The following CDH23 variants were observed in gnomAD, a reference collection of about 807,000 sequenced individuals.
CDH23 encodes cadherin-23.
CDH23 carries 189 observed loss-of-function variants against 317.1 expected under a neutral mutation model. That is an observed-to-expected ratio of 0.60 (90% CI 0.53 to 0.67). CDH23 has a LOEUF of 0.67. CDH23 is among the 30% of genes least tolerant of loss of function. CDH23 has a pLI of 0.00. For missense variants in CDH23, 4,401 were observed against 4,592.4 expected (o/e 0.96, Z 1.20); for synonymous variants, 1,839 against 1,876.8 (o/e 0.98, Z 0.52).
intron 13 of CDH23, 69 bp from the exon 14 acceptor site, chr10:71,646,390 C>T (rs1490606909): frequency 8.2e-6 from 13 of 1,584,196 alleles, no homozygotes; most frequent in Non-Finnish European, 1.0e-5. Flanking sequence ...ATGGAGAGGA[C>T]TTACAGGGAC....
chr10:71,810,393 G>A (rs1841880069), intron 61 of CDH23, 79 bp from the exon 62 acceptor site: 5 of 1,283,376 alleles, frequency 3.9e-6, no homozygotes, highest in Non-Finnish European at 5.6e-6. Flanking sequence ...AGGGCAGAAG[G>A]GGTTCCTAAA....
At chr10:71,515,225 T>A (rs1854220657) in intron 6 of CDH23, among the ~76,000 whole-genome samples, 1 of 152,204 alleles carries the variant, frequency 6.6e-6, no homozygotes, top group African/African-American at 2.4e-5. Flanking sequence ...AGCTGGGCAG[T>A]CTAGGCCTTT....
intron 11 of CDH23, among the ~76,000 whole-genome samples, chr10:71,643,278 C>CACCA (rs954765603): frequency 2.0e-5 from 3 of 152,068 alleles, no homozygotes; most frequent in African/African-American, 7.3e-5. Context: ...TGGTGGCTGC[C>CACCA]CTGGGAGGTT....
chr10:71,569,101 C>G (rs896448768), intron 7 of CDH23, among the ~76,000 whole-genome samples: 1 of 152,238 alleles, frequency 6.6e-6, no homozygotes, highest in Non-Finnish European at 1.5e-5. Flanking sequence ...GGAGCTCTCC[C>G]CATGGGCAGT....
At position 71,793,433 on chromosome 10, in the gene CDH23, G is replaced by A; in HGVS notation, c.6505G>A (p.Asp2169Asn). 1 of 1,614,000 alleles carries A rather than the reference G, an allele frequency of 6.2e-7. No individual in the cohort carries two copies. Among genetic ancestry groups the A allele is most frequent in the Non-Finnish European group, 8.5e-7 (1 of 1,179,880 alleles). ...CACCATTCTGATCGATGACATCAAT[G>A]ACTCCCGCCCCGAGTTCCTCAACCC... is the stretch of plus-strand genomic sequence containing the variant. Reference protein sequence around the residue: ...IVTILIDDINDSRPEFLNPIQ... With the variant: ...IVTILIDDINNSRPEFLNPIQ... The change falls in exon 48 of 70, where the codon GAC (aspartate) becomes AAC (asparagine). Residue 2169 changes from aspartate (D) to asparagine (N), a missense_variant. Transcript: ENST00000224721.
At chr10:71,454,806 A>G (rs760432099) in intron 3 of CDH23, among the ~76,000 whole-genome samples, 1 of 151,706 alleles carries the variant, frequency 6.6e-6, no homozygotes, top group Non-Finnish European at 1.5e-5. Context: ...TTCCTAACAC[A>G]TATTAAAATA....
At position 71,785,626 on chromosome 10, in the gene CDH23, C is replaced by A. The variant is rs570844723; in HGVS notation, c.5713-5C>A. ...CCATGCAGCTCACCACCCTCCACATCCCAGACAGGGATCGTCACTGTGAAC... is the reference window on the plus strand; with the variant it reads ...CCATGCAGCTCACCACCCTCCACATACCAGACAGGGATCGTCACTGTGAAC... On this transcript the variant is annotated splice_region_variant and splice_polypyrimidine_tract_variant and intron_variant, in intron 43 of 69. Coordinates refer to ENST00000224721, the MANE Select transcript of CDH23 (RefSeq NM_022124.6). 1.9e-6 allele frequency: 3 copies of A among 1,576,522 alleles called. No individual in the cohort carries two copies. Among genetic ancestry groups the A allele is most frequent in the East Asian group, 4.6e-5 (2 of 43,298 alleles).
intron 14 of CDH23, among the ~76,000 whole-genome samples, chr10:71,664,845 T>G (rs1665698): frequency 0.38 from 56,759 of 148,960 alleles, 11,709 homozygotes; most frequent in East Asian, 0.55. Context: ...CCCTCTTCCT[T>G]CTCCTCCTCC....
chr10:71,748,314 G>A (rs1057488909), intron 38 of CDH23: 1 of 152,438 alleles, frequency 6.6e-6, no homozygotes, highest in Non-Finnish European at 1.5e-5. Flanking sequence ...CTTTTGAAAA[G>A]CAGGTCCTGG....
intron 14 of CDH23, 29 bp from the exon 15 acceptor site, chr10:71,675,083 G>C (rs2132664252): frequency 6.2e-7 from 1 of 1,608,462 alleles, no homozygotes; most frequent in South Asian, 1.1e-5. Context: ...GGGCCTGGCA[G>C]TAATGACTTC....
chr10:71,691,714 A>G (rs557975131), intron 20 of CDH23, among the ~76,000 whole-genome samples: 20 of 152,194 alleles, frequency 1.3e-4, no homozygotes, highest in Non-Finnish European at 2.8e-4. Context: ...TGGCAGTCAC[A>G]TCCAAGTAAT....
rs185545302 is a variant in CDH23 at position 71,397,660 on chromosome 10, G to A, written c.-6+342G>A. 5.8e-4 allele frequency among the ~76,000 whole-genome samples: 88 copies of A among 152,242 alleles called. No homozygotes were observed. The highest frequency in any genetic ancestry group is 1.9e-3 in the African/African-American group (77 of 41,564). ...CTTTGCTCTCGGCGCTACGGAGAGGGTCCAGGTCTGGGGTGGAGAGATTTT... is the reference window on the plus strand; with the variant it reads ...CTTTGCTCTCGGCGCTACGGAGAGGATCCAGGTCTGGGGTGGAGAGATTTT... On this transcript the variant is annotated intron_variant, in intron 1 of 69. Transcript: ENST00000224721. This position sits in a 1 kb window ranked among gnomAD's most constrained non-coding sequence, Gnocchi z 4.8.
chr10:71,481,830 A>C (rs61855361), intron 3 of CDH23, among the ~76,000 whole-genome samples: 27,333 of 152,132 alleles, frequency 0.18, 2,867 homozygotes, highest in Middle Eastern at 0.2. Context: ...CCTGTGGGGC[A>C]GCCCTGAGTC....
At position 71,732,097 on chromosome 10, in the gene CDH23, A is replaced by G; in HGVS notation, c.3826A>G (p.Lys1276Glu). 1.2e-6 allele frequency: 2 copies of G among 1,614,036 alleles called. No homozygotes were observed. Among genetic ancestry groups the G allele is most frequent in the East Asian group, 2.2e-5 (1 of 44,886 alleles). ...CGTGAATTACCTGGACTACGAGACC[A>G]AGACCAGCTACATGATGAATGTGTC... is the stretch of plus-strand genomic sequence containing the variant. Reference protein sequence around the residue: ...ITVNYLDYETKTSYMMNVSAT... With the variant: ...ITVNYLDYETETSYMMNVSAT... Residue 1276 changes from lysine to glutamate, a missense_variant, in exon 32 of 70, where the codon AAG becomes GAG. This residue lies in a region of CDH23 where 3,068 missense variants were observed against 3,203.3 expected (regional missense o/e 0.96). Transcript: ENST00000224721.
intron 30 of CDH23, among the ~76,000 whole-genome samples, chr10:71,729,327 C>A (rs955562540): frequency 6.6e-6 from 1 of 152,146 alleles, no homozygotes; most frequent in Non-Finnish European, 1.5e-5. Flanking sequence ...GTGTAAGAAG[C>A]GCCCACAGGA....
intron 6 of CDH23, among the ~76,000 whole-genome samples, chr10:71,566,443 G>A (rs1309293778): frequency 7.2e-5 from 11 of 152,088 alleles, no homozygotes; most frequent in African/African-American, 2.4e-5. Context: ...CAGAGGAAGC[G>A]AAACCACCAA....
At chr10:71,623,584 G>A (rs1465636780) in intron 11 of CDH23, among the ~76,000 whole-genome samples, 1 of 152,194 alleles carries the variant, frequency 6.6e-6, no homozygotes. Flanking sequence ...AATGTGCAGG[G>A]TGGAAGCAGT....
At chr10:71,533,507 C>T (rs1487644827) in intron 6 of CDH23, among the ~76,000 whole-genome samples, 1 of 148,540 alleles carries the variant, frequency 6.7e-6, no homozygotes, top group Non-Finnish European at 1.5e-5. Context: ...GCAATTGTGA[C>T]CCTAGGCTGG....
chr10:71,522,649 G>A (rs1228816926), intron 6 of CDH23, among the ~76,000 whole-genome samples: 1 of 152,160 alleles, frequency 6.6e-6, no homozygotes, highest in East Asian at 1.9e-4. Flanking sequence ...CGCACCAGGG[G>A]GAGCTAACCC....
Sources: allele counts gnomAD v4.1 joint callset (sites outside exome capture counted in the v4.1 genomes callset), GRCh38; gene constraint gnomAD v4.1.1; regional missense constraint gnomAD v4.1.1; non-coding constraint Gnocchi (gnomAD v3.1); transcripts MANE v1.5; gene names NCBI Gene and HGNC (gene_info 2026-07-23, HGNC 2026-07-21).